KIF18A: variants seen among roughly 807,000 people sequenced by gnomAD.
KIF18A encodes the protein kinesin family member 18A.
KIF18A carries 67 observed loss-of-function variants against 103.3 expected under a neutral mutation model. The ratio of observed to expected loss-of-function variants is 0.65; its 90% CI spans 0.53 to 0.79. The LOEUF (loss-of-function observed/expected upper bound fraction) is 0.79, where lower values mean the gene tolerates loss of function less well. Among genes scored for constraint, KIF18A ranks in the 30% least tolerant of loss-of-function variants. KIF18A has a pLI of 0.00. For missense variants in KIF18A, 1,032 were observed against 1,062.5 expected, an observed-to-expected ratio of 0.97 and a Z score of 0.40; for synonymous variants, 367 against 355.5, an observed-to-expected ratio of 1.03 and a Z score of -0.36.
Position 28,072,866 on chromosome 11 carries a change from A to C in KIF18A, c.1426-3443T>G, listed in dbSNP as rs149434835. Among the ~76,000 whole-genome samples the C allele has an allele frequency of 4.4e-3, 663 of 152,236 alleles. 8 individuals are homozygous for C. The highest frequency in any genetic ancestry group is 0.014 in the African/African-American group (593 of 41,552). On this transcript the variant is annotated intron_variant, in intron 10 of 16. Coordinates refer to ENST00000263181, the MANE Select transcript of KIF18A (RefSeq NM_031217.4). ...ACATTCAAAATTCAATGGAGGAATT[A>C]AGACAGTAAAATAACAATTATCTAA...
intron 1 of KIF18A, among the ~76,000 whole-genome samples, chr11:28,099,039 T>C (rs1337964384): frequency 1.3e-5 from 2 of 152,194 alleles, no homozygotes; most frequent in Non-Finnish European, 2.9e-5. Context: ...TGCCCTGCCA[T>C]GTTCGCTACA....
rs893928529 is a variant in KIF18A, at chr11:28,078,506, G to A, written c.1263-1337C>T. On this transcript the variant is annotated intron_variant, in intron 9 of 16. Transcript: ENST00000263181. ...TGATTAGGATGAAAGGAAGGGAATT[G>A]GTATCAAAGGTTTCTAGAGAGCTCC... is the stretch of plus-strand genomic sequence containing the variant. Among the ~76,000 whole-genome samples the A allele has an allele frequency of 2.6e-5, 4 of 152,076 alleles. No homozygotes were observed. In the East Asian group the frequency reaches 7.7e-4, roughly 29 times the overall value.
intron 13 of KIF18A, among the ~76,000 whole-genome samples, chr11:28,057,707 T>G (rs183868781): frequency 3.1e-3 from 466 of 152,268 alleles, no homozygotes; most frequent in Non-Finnish European, 4.3e-3. Flanking sequence ...GCAAATCAGC[T>G]TCTAGGATTC....
At chr11:28,073,191 G>A (rs1453419069) in intron 10 of KIF18A, among the ~76,000 whole-genome samples, 2 of 152,082 alleles carry the variant, frequency 1.3e-5, no homozygotes, top group Non-Finnish European at 2.9e-5. Context: ...GAGAAGGTAT[G>A]GCCACAGATC....
At chr11:28,022,113 A>G (rs1850253666) in intron 16 of KIF18A, among the ~76,000 whole-genome samples, 1 of 152,134 alleles carries the variant, frequency 6.6e-6, no homozygotes, top group South Asian at 2.1e-4. Context: ...ACAAACTAAT[A>G]CCTCTTTGGC....
chr11:28,075,462 T>C (rs1250372704), intron 10 of KIF18A, among the ~76,000 whole-genome samples: 3 of 152,194 alleles, frequency 2.0e-5, no homozygotes, highest in Non-Finnish European at 4.4e-5. Flanking sequence ...CTTTAACATT[T>C]TCTGATATTG....
At chr11:28,052,141 C>T (rs1590678575) in intron 13 of KIF18A, among the ~76,000 whole-genome samples, 1 of 152,178 alleles carries the variant, frequency 6.6e-6, no homozygotes, top group Middle Eastern at 3.4e-3. Flanking sequence ...GTCTGAATAA[C>T]CTCCATCTTT....
chr11:28,045,231 C>T lies in KIF18A; in HGVS notation c.1949-8567G>A, dbSNP rs373994849. Among the ~76,000 whole-genome samples, 29 of 152,080 alleles carry T rather than the reference C, an allele frequency of 1.9e-4. No individual in the cohort carries two copies. The South Asian group carries it at 5.8e-3, about 30-fold the overall frequency. ...GCCTATACCTCAAGAGAAACATCTA[C>T]AAATGTATTTATTGGTGGTATTGCT... On this transcript the variant is annotated intron_variant, in intron 13 of 16. Transcript: ENST00000263181.
chr11:28,068,813 T>C (rs1850971207), intron 11 of KIF18A, among the ~76,000 whole-genome samples: 1 of 152,166 alleles, frequency 6.6e-6, no homozygotes, highest in Non-Finnish European at 1.5e-5. Flanking sequence ...GTTAGACTAC[T>C]GCAACCTTGT....
At chr11:28,074,826 G>T (rs1417504026) in intron 10 of KIF18A, among the ~76,000 whole-genome samples, 2 of 152,006 alleles carry the variant, frequency 1.3e-5, no homozygotes, top group Non-Finnish European at 2.9e-5. Context: ...ATAAGATAAA[G>T]CTTTTTAATA....
In KIF18A at chr11:28,036,276, C is replaced by A; in HGVS notation, c.2337G>T (p.Ser779=). 1 of 1,609,266 alleles carries A rather than the reference C, an allele frequency of 6.2e-7. No individual in the cohort carries two copies. The highest frequency in any genetic ancestry group is 1.1e-5 in the South Asian group (1 of 90,590). Residue 779 remains serine, a synonymous_variant, in exon 14 of 17, where the codon TCG becomes TCT. Transcript: ENST00000263181. ...ATTCTTGTTCGGGTAATTTACACTT[C>A]GAGCTCTTGATGTCTTCACATATAG... The part of the protein sequence containing the change: ...TFTICEDIKS[S]KCKLPEQESL...
intron 11 of KIF18A, among the ~76,000 whole-genome samples, chr11:28,065,857 G>C (rs1176991054): frequency 1.3e-5 from 2 of 151,944 alleles, no homozygotes; most frequent in African/African-American, 4.8e-5. Context: ...AAATACTCTA[G>C]CAATATCATT....
At chr11:28,058,439 C>T (rs935414502) in intron 13 of KIF18A, among the ~76,000 whole-genome samples, 6 of 146,232 alleles carry the variant, frequency 4.1e-5, no homozygotes, top group Non-Finnish European at 8.9e-5. Flanking sequence ...ACTGCTTGAG[C>T]CCAGGAGTTT....
intron 16 of KIF18A, 120 bp downstream of exon 16, chr11:28,023,621 C>T: frequency 4.0e-6 from 2 of 495,136 alleles, no homozygotes; most frequent in Non-Finnish European, 7.3e-6. Context: ...CTTGTTCTAC[C>T]ACATAGTAAA....
chr11:28,088,356 T>G (rs1352701744), intron 6 of KIF18A, among the ~76,000 whole-genome samples, 168 bp downstream of exon 6: 2 of 152,100 alleles, frequency 1.3e-5, no homozygotes, highest in Non-Finnish European at 2.9e-5. Context: ...TAAAAATCAG[T>G]TTAATACACT....
intron 9 of KIF18A, among the ~76,000 whole-genome samples, chr11:28,078,169 C>A (rs146461478): frequency 6.6e-6 from 1 of 151,992 alleles, no homozygotes; most frequent in African/African-American, 2.4e-5. Flanking sequence ...TAAGGATCAG[C>A]GGTAAAAACA....
intron 13 of KIF18A, among the ~76,000 whole-genome samples, chr11:28,054,365 A>C (rs1850751576): frequency 6.6e-6 from 1 of 152,000 alleles, no homozygotes; most frequent in South Asian, 2.1e-4. Context: ...CATGGGCCAC[A>C]ATGCCTTGCC....
At chr11:28,067,540 A>G (rs969129573) in intron 11 of KIF18A, among the ~76,000 whole-genome samples, 1 of 152,116 alleles carries the variant, frequency 6.6e-6, no homozygotes, top group African/African-American at 2.4e-5. Flanking sequence ...CCCCAGTCAT[A>G]ATGCATTGAC....
chr11:28,073,543 ACTCCAGACAACCTACTTGAGTT>A (rs2133543054), intron 10 of KIF18A, among the ~76,000 whole-genome samples: 1 of 152,134 alleles, frequency 6.6e-6, no homozygotes, highest in South Asian at 2.1e-4. Flanking sequence ...TAGGTAAGTA[ACTCCAGACAACCTACTTGAGTT>A]CTCAGTGCCT....
Sources: allele counts gnomAD v4.1 joint callset (sites outside exome capture counted in the v4.1 genomes callset), GRCh38; gene constraint gnomAD v4.1.1; transcripts MANE v1.5; gene names NCBI Gene and HGNC (gene_info 2026-07-23, HGNC 2026-07-21).